SEPTIN7: variants seen among roughly 807,000 people sequenced by gnomAD.
The protein encoded by SEPTIN7 is septin 7, also known as septin-7.
Under a neutral mutation model 63.3 loss-of-function variants are expected in SEPTIN7, and 10 were observed. That is an observed-to-expected ratio of 0.16 (90% CI 0.10 to 0.27). The LOEUF (loss-of-function observed/expected upper bound fraction) is 0.27, where lower values mean the gene tolerates loss of function less well. Among genes scored for constraint, SEPTIN7 ranks in the 10% least tolerant of loss-of-function variants. The pLI is 1.00. For synonymous variants in SEPTIN7, 131 were observed against 165.3 expected (o/e 0.79, Z 1.59); for missense variants, 310 against 521.0 (o/e 0.59, Z 3.94).
intron 12 of SEPTIN7, chr7:35,900,948 T>C (rs575471228): frequency 6.6e-6 from 1 of 152,336 alleles, no homozygotes; most frequent in South Asian, 2.1e-4. Context: ...ATCTAGAGTG[T>C]ATTTACCAAC....
At chr7:35,819,509 G>A (rs1053549743) in intron 1 of SEPTIN7, among the ~76,000 whole-genome samples, 1 of 152,078 alleles carries the variant, frequency 6.6e-6, no homozygotes. Context: ...CATCTGTCTA[G>A]TTGTTTTACC....
At chr7:35,825,737 A>G (rs1708128540) in intron 1 of SEPTIN7, among the ~76,000 whole-genome samples, 1 of 152,186 alleles carries the variant, frequency 6.6e-6, no homozygotes, top group African/African-American at 2.4e-5. Context: ...TGTTGAATGA[A>G]TGAGTGAAGG....
chr7:35,829,561 A>G (rs1427120957), intron 1 of SEPTIN7, among the ~76,000 whole-genome samples: 2 of 152,216 alleles, frequency 1.3e-5, no homozygotes, highest in East Asian at 3.9e-4. Flanking sequence ...GCAGACCCTG[A>G]GTCATTTTTG....
chr7:35,831,479 G>C lies in SEPTIN7; in HGVS notation c.62-13G>C. On this transcript the variant is annotated splice_polypyrimidine_tract_variant and intron_variant, in intron 1 of 13. Coordinates refer to ENST00000350320, the MANE Select transcript of SEPTIN7 (RefSeq NM_001788.6). ...TGGAACACTGGAATGATGGAAATGT[G>C]TTCTTTACAAAGTAGCTGTGAGTAT... The C allele has an allele frequency of 2.1e-6, 1 of 480,754 alleles. No homozygotes were observed. The highest frequency in any genetic ancestry group is 2.2e-5 in the Admixed American group (1 of 44,918). 29.8% of individuals were successfully genotyped at this position (480,754 alleles called of 1,614,324 possible).
At chr7:35,883,241 A>G (rs1191157067) in intron 8 of SEPTIN7, among the ~76,000 whole-genome samples, 1 of 152,116 alleles carries the variant, frequency 6.6e-6, no homozygotes, top group Non-Finnish European at 1.5e-5. Context: ...TCTGTATTTT[A>G]TCATGGTTTT....
chr7:35,836,145 A>T (rs1784076428), intron 3 of SEPTIN7, among the ~76,000 whole-genome samples: 1 of 152,172 alleles, frequency 6.6e-6, no homozygotes, highest in African/African-American at 2.4e-5. Context: ...ATCTTTAAAA[A>T]TTTAGGCATA....
intron 3 of SEPTIN7, among the ~76,000 whole-genome samples, chr7:35,861,698 C>A (rs927534309): frequency 1.3e-5 from 2 of 152,162 alleles, no homozygotes; most frequent in African/African-American, 4.8e-5. Flanking sequence ...ATAAATGGTG[C>A]CCATTGCTTC....
rs1787917222 is a variant in SEPTIN7 at position 35,801,080 on chromosome 7, A to G, written c.-130A>G. ...GGAGTCGAGCGAGAGCCTGTGGAGG[A>G]GTCCGCCTGCTGTAGCGTGCGTAAG... is the stretch of plus-strand genomic sequence containing the variant. On this transcript the variant is annotated 5_prime_UTR_variant, in exon 1 of 14. Transcript: ENST00000350320. 2 of 610,822 alleles carry G rather than the reference A, an allele frequency of 3.3e-6. No individual in the cohort carries two copies. Among genetic ancestry groups the G allele is most frequent in the Non-Finnish European group, 5.2e-6 (2 of 381,140 alleles). The allele number at this position is 610,822 out of a possible 1,614,324, so 37.8% of individuals were successfully genotyped here.
intron 1 of SEPTIN7, among the ~76,000 whole-genome samples, chr7:35,810,433 T>C (rs1220071199): frequency 1.3e-5 from 2 of 151,844 alleles, no homozygotes; most frequent in Non-Finnish European, 1.5e-5. Context: ...ACGCCATTCT[T>C]CTGCCTCAGC....
intron 3 of SEPTIN7, among the ~76,000 whole-genome samples, chr7:35,846,323 A>C (rs1583554212): frequency 1.3e-5 from 2 of 152,130 alleles, no homozygotes; most frequent in East Asian, 3.9e-4. Context: ...GCCACCACAC[A>C]CACACTTTTT....
intron 1 of SEPTIN7, among the ~76,000 whole-genome samples, chr7:35,809,922 C>T (rs1253545088): frequency 6.6e-6 from 1 of 151,930 alleles, no homozygotes; most frequent in Non-Finnish European, 1.5e-5. Flanking sequence ...AGAAGCAGGG[C>T]AATGGGAAAG....
At chr7:35,877,165 A>G (rs1786521254) in intron 6 of SEPTIN7, among the ~76,000 whole-genome samples, 1 of 152,142 alleles carries the variant, frequency 6.6e-6, no homozygotes, top group African/African-American at 2.4e-5. Flanking sequence ...GTGAGGCAAG[A>G]ACACAGTTTA....
intron 7 of SEPTIN7, 85 bp from the exon 8 acceptor site, chr7:35,882,399 G>A (rs1786939776): frequency 4.0e-6 from 4 of 1,007,866 alleles, no homozygotes; most frequent in Non-Finnish European, 5.2e-6. Flanking sequence ...GACCCATATA[G>A]GAATCGAAGA....
At chr7:35,880,658 T>C (rs1786820052) in intron 7 of SEPTIN7, among the ~76,000 whole-genome samples, 1 of 152,042 alleles carries the variant, frequency 6.6e-6, no homozygotes, top group Admixed American at 6.6e-5. Context: ...TGTTTTCTCT[T>C]TTGCTGCTTA....
the SEPTIN7 span, among the ~76,000 whole-genome samples, chr7:35,912,381 C>A: frequency 1.3e-5 from 2 of 152,380 alleles, no homozygotes; most frequent in South Asian, 4.1e-4. Flanking sequence ...AGACCCACCC[C>A]TTTATTTCTG....
intron 11 of SEPTIN7, among the ~76,000 whole-genome samples, chr7:35,891,689 C>A (rs1366748568): frequency 6.6e-6 from 1 of 152,254 alleles, no homozygotes; most frequent in East Asian, 1.9e-4. Context: ...CTGTACACTA[C>A]TGTGGACTTT....
intron 1 of SEPTIN7, among the ~76,000 whole-genome samples, chr7:35,822,869 G>C (rs142302098): frequency 3.9e-4 from 60 of 152,168 alleles, no homozygotes; most frequent in African/African-American, 1.4e-3. Flanking sequence ...CCCCTGTTTT[G>C]TTCTAATATT....
intron 1 of SEPTIN7, among the ~76,000 whole-genome samples, chr7:35,817,337 T>C (rs1290153452): frequency 2.6e-5 from 4 of 152,094 alleles, no homozygotes; most frequent in Admixed American, 2.6e-4. Context: ...TGACAACTTC[T>C]GTGAAAACAA....
At chr7:35,880,004 T>G in intron 7 of SEPTIN7, 64 bp downstream of exon 7, 1 of 860,202 alleles carries the variant, frequency 1.2e-6, no homozygotes, top group East Asian at 2.7e-5. Context: ...TTTTACTATT[T>G]TTAGTATAAT....
Sources: allele counts gnomAD v4.1 joint callset (sites outside exome capture counted in the v4.1 genomes callset), GRCh38; gene constraint gnomAD v4.1.1; transcripts MANE v1.5; gene names NCBI Gene and HGNC (gene_info 2026-07-23, HGNC 2026-07-21).